The following SLC25A30 variants were observed in gnomAD, a reference collection of about 807,000 sequenced individuals.
SLC25A30 encodes the protein kidney mitochondrial carrier protein 1.
Under a neutral mutation model 42.7 loss-of-function variants are expected in SLC25A30, and 29 were observed. The observed-to-expected ratio is 0.68, with a 90% CI of 0.51 to 0.93. The LOEUF is 0.93. SLC25A30 is among the 40% of genes least tolerant of loss of function. SLC25A30 has a pLI of 0.00. For missense variants in SLC25A30, 300 were observed against 359.7 expected, an observed-to-expected ratio of 0.83 and a Z score of 1.34; for synonymous variants, 124 against 131.0, an observed-to-expected ratio of 0.95 and a Z score of 0.37.
the SLC25A30 span, among the ~76,000 whole-genome samples, chr13:45,424,420 T>G: frequency 5.2e-5 from 3 of 57,578 alleles, no homozygotes; most frequent in Non-Finnish European, 9.5e-5. Context: ...TATATATAAA[T>G]ATATGAATAT....
the SLC25A30 span, among the ~76,000 whole-genome samples, chr13:45,426,501 A>G: frequency 1.3e-5 from 2 of 152,192 alleles, no homozygotes. Flanking sequence ...GTTCTTTACA[A>G]AAAATGTTTG....
intron 1 of SLC25A30, among the ~76,000 whole-genome samples, chr13:45,412,357 G>A (rs1440189123): frequency 6.6e-6 from 1 of 152,084 alleles, no homozygotes; most frequent in Non-Finnish European, 1.5e-5. Flanking sequence ...GCCTCCCAAA[G>A]TGCTGGGAAA....
chr13:45,412,533 GAA>G (rs1398207346), intron 1 of SLC25A30, among the ~76,000 whole-genome samples: 1 of 152,158 alleles, frequency 6.6e-6, no homozygotes, highest in Non-Finnish European at 1.5e-5. Context: ...CCTTCCTAGA[GAA>G]GTTCCTGCTA....
At chr13:45,424,945 A>AT in the SLC25A30 span, among the ~76,000 whole-genome samples, 1 of 55,432 alleles carries the variant, frequency 1.8e-5, no homozygotes, top group African/African-American at 1.1e-4. Flanking sequence ...TATTTAAATA[A>AT]ATATATAAAT....
the SLC25A30 span, among the ~76,000 whole-genome samples, chr13:45,423,649 ATT>A: frequency 3.6e-5 from 3 of 83,628 alleles, 1 homozygote; most frequent in African/African-American, 1.2e-4. Flanking sequence ...TAAAATACAT[ATT>A]TATATAAATA....
the SLC25A30 span, among the ~76,000 whole-genome samples, chr13:45,426,989 A>G: frequency 6.6e-6 from 1 of 152,022 alleles, no homozygotes; most frequent in African/African-American, 2.4e-5. Flanking sequence ...TTTAACTCTA[A>G]ACCTTCCAGA....
chr13:45,429,178 C>G, the SLC25A30 span, among the ~76,000 whole-genome samples: 1 of 147,768 alleles, frequency 6.8e-6, no homozygotes, highest in Admixed American at 6.9e-5. Context: ...CAGCGATTCT[C>G]AGGCCTCAGC....
chr13:45,394,033 A>G lies in SLC25A30; in HGVS notation c.*1941T>C. Reference sequence around the variant, plus strand: ...TCAAGAAAAGCAATCTTTAAACTCAAAGAACTCAAAAGTGAAAGCCTCTCT... The same window carrying G: ...TCAAGAAAAGCAATCTTTAAACTCAGAGAACTCAAAAGTGAAAGCCTCTCT... On this transcript the variant is annotated 3_prime_UTR_variant, in exon 10 of 10. Coordinates refer to ENST00000519676, the MANE Select transcript of SLC25A30 (RefSeq NM_001010875.4). 2 of 968,484 alleles carry G rather than the reference A, an allele frequency of 2.1e-6. No individual in the cohort carries two copies. Among genetic ancestry groups the G allele is most frequent in the Non-Finnish European group, 2.5e-6 (2 of 814,342 alleles). 60.0% of individuals were successfully genotyped at this position (968,484 alleles called of 1,614,324 possible).
rs907529878 is a variant in SLC25A30 at position 45,405,625 on chromosome 13, C to T, written c.307+258G>A. On this transcript the variant is annotated intron_variant, in intron 4 of 9. Transcript: ENST00000519676. ...GTTGGATGGAATAGTAACAACACATCCCCTGGTCTAGGCATTTTGGAGATG... is the reference window on the plus strand; with the variant it reads ...GTTGGATGGAATAGTAACAACACATTCCCTGGTCTAGGCATTTTGGAGATG... Among the ~76,000 whole-genome samples the T allele has an allele frequency of 2.0e-5, 3 of 152,184 alleles. No individual in the cohort carries two copies. The South Asian group carries it at 6.2e-4, about 31-fold the overall frequency.
chr13:45,429,134 T>G, the SLC25A30 span, among the ~76,000 whole-genome samples: 3 of 139,384 alleles, frequency 2.2e-5, no homozygotes, highest in Non-Finnish European at 1.5e-5. Flanking sequence ...AATGGCGCAG[T>G]CTCAGTTCAC....
At chr13:45,425,652 G>T in the SLC25A30 span, among the ~76,000 whole-genome samples, 1 of 76,716 alleles carries the variant, frequency 1.3e-5, no homozygotes, top group African/African-American at 4.1e-5. Flanking sequence ...ATATATATAA[G>T]TATATATAAA....
At chr13:45,424,554 T>C in the SLC25A30 span, among the ~76,000 whole-genome samples, 4 of 23,454 alleles carry the variant, frequency 1.7e-4, no homozygotes, top group South Asian at 9.0e-4. Context: ...AATATATAAA[T>C]ATATATAAAT....
chr13:45,425,274 A>T, the SLC25A30 span, among the ~76,000 whole-genome samples: 1 of 104,652 alleles, frequency 9.6e-6, no homozygotes, highest in African/African-American at 4.0e-5. Flanking sequence ...ATACGTATAC[A>T]TATAAATATA....
At chr13:45,417,833 T>C (rs1295368715) in intron 1 of SLC25A30, among the ~76,000 whole-genome samples, 1 of 152,244 alleles carries the variant, frequency 6.6e-6, no homozygotes, top group Non-Finnish European at 1.5e-5. Context: ...TCCCAGCCTG[T>C]GTGCCACGAG....
chr13:45,427,405 C>T, the SLC25A30 span, among the ~76,000 whole-genome samples: 1 of 146,368 alleles, frequency 6.8e-6, no homozygotes, highest in Non-Finnish European at 1.5e-5. Flanking sequence ...TTGGTCCATA[C>T]ACCTGGATAG....
chr13:45,410,159 C>T (rs1882875941), intron 2 of SLC25A30, among the ~76,000 whole-genome samples: 1 of 152,200 alleles, frequency 6.6e-6, no homozygotes, highest in African/African-American at 2.4e-5. Context: ...AGAGAATAAA[C>T]AAACAGGATC....
intron 6 of SLC25A30, among the ~76,000 whole-genome samples, chr13:45,401,450 A>G (rs1229278094): frequency 6.6e-6 from 1 of 152,164 alleles, no homozygotes; most frequent in Non-Finnish European, 1.5e-5. Context: ...AGGACAAGTC[A>G]CCTCTCAGAG....
the SLC25A30 span, among the ~76,000 whole-genome samples, chr13:45,425,081 A>AATATATAAATATATATGTATATATAC: frequency 6.6e-5 from 2 of 30,470 alleles, no homozygotes; most frequent in South Asian, 5.5e-4. Context: ...CATATATATA[A>AATATATAAATATATATGTATATATAC]ATATATAAAT....
At chr13:45,418,855 C>G (rs1259748553), upstream of SLC25A30, 1 of 144,884 alleles carries the variant, frequency 6.9e-6, no homozygotes, top group Non-Finnish European at 1.5e-5. Flanking sequence ...GCAGAAGAAT[C>G]GCTTGAACCT....
Sources: gnomAD v4.1 joint callset for allele counts (sites outside exome capture counted in the v4.1 genomes callset) on GRCh38, gnomAD v4.1.1 for gene constraint, MANE v1.5 for transcripts, NCBI Gene and HGNC (gene_info 2026-07-23, HGNC 2026-07-21) for gene names.